STARD13: variants seen among roughly 807,000 people sequenced by gnomAD.
STARD13 encodes StAR related lipid transfer domain containing 13, also known as stAR-related lipid transfer protein 13.
STARD13 carries 62 observed loss-of-function variants against 106.4 expected under a neutral mutation model. That is an observed-to-expected ratio of 0.58 (90% CI 0.48 to 0.72). STARD13 has a LOEUF of 0.72. Among genes scored for constraint, STARD13 ranks in the 30% least tolerant of loss-of-function variants. STARD13 has a pLI of 0.00. For missense variants in STARD13, 1,387 were observed against 1,424.0 expected, an observed-to-expected ratio of 0.97 and a Z score of 0.42; for synonymous variants, 565 against 553.0, an observed-to-expected ratio of 1.02 and a Z score of -0.31.
chr13:33,460,439 C>T, the STARD13 span, among the ~76,000 whole-genome samples: 8 of 150,812 alleles, frequency 5.3e-5, no homozygotes, highest in South Asian at 6.3e-4. Flanking sequence ...TGCAGTGAGC[C>T]GAGATAGTGC....
chr13:33,121,246 G>A (rs1177966615), intron 7 of STARD13, among the ~76,000 whole-genome samples: 2 of 152,110 alleles, frequency 1.3e-5, no homozygotes, highest in Non-Finnish European at 2.9e-5. Context: ...TGACGGCAAC[G>A]AGTGGTTTCC....
intron 1 of STARD13, chr13:33,349,255 C>T: frequency 1.4e-6 from 1 of 702,196 alleles, no homozygotes; most frequent in Non-Finnish European, 2.6e-6. Flanking sequence ...CAGAGACTTG[C>T]CTCAGGGTCA....
chr13:33,380,534 T>G, the STARD13 span, among the ~76,000 whole-genome samples: 2 of 136,530 alleles, frequency 1.5e-5, no homozygotes, highest in Non-Finnish European at 3.1e-5. Flanking sequence ...TTCCTCTGTG[T>G]GCTTTCTTAG....
In STARD13 at chr13:33,118,182, T is replaced by A; in HGVS notation, c.2164A>T (p.Asn722Tyr). The A allele has an allele frequency of 6.2e-7, 1 of 1,614,204 alleles. No homozygotes were observed. The highest frequency in any genetic ancestry group is 8.5e-7 in the Non-Finnish European group (1 of 1,180,024). ...QMNENFPENV[N>Y]YEDQSAYDVA... is the part of the protein sequence containing the mutation. ...TCATAAGCAGACTGGTCTTCATAGT[T>A]GACGTTCTCAGGGAAGTTTTCATTC... is the stretch of plus-strand genomic sequence containing the variant. Residue 722 changes from asparagine to tyrosine, a missense_variant, in exon 8 of 14, where the codon AAC becomes TAC. By Grantham distance (143) the Asn-to-Tyr change is moderately radical. Coordinates refer to ENST00000336934, the MANE Select transcript of STARD13 (RefSeq NM_178006.4).
chr13:33,598,770 T>G, the STARD13 span, among the ~76,000 whole-genome samples: 1 of 152,244 alleles, frequency 6.6e-6, no homozygotes, highest in African/African-American at 2.4e-5. Context: ...ATCCCTTAGC[T>G]CCTAAATTAC....
the STARD13 span, among the ~76,000 whole-genome samples, chr13:33,630,238 G>A: frequency 6.6e-6 from 1 of 152,098 alleles, no homozygotes; most frequent in South Asian, 2.1e-4. Context: ...CAAATTCCTG[G>A]TCCTGCGTCC....
the STARD13 span, among the ~76,000 whole-genome samples, chr13:33,422,894 G>GTGGAAAACTGGCCAGCCATATT: frequency 6.6e-6 from 1 of 152,196 alleles, no homozygotes; most frequent in Admixed American, 6.5e-5. Context: ...CCAGCCATAT[G>GTGGAAAACTGGCCAGCCATATT]TAGAAAGCTG....
chr13:33,638,638 C>A, the STARD13 span, among the ~76,000 whole-genome samples: 1 of 152,134 alleles, frequency 6.6e-6, no homozygotes, highest in Non-Finnish European at 1.5e-5. Context: ...CTTAAAAAGT[C>A]TTTTCTATCA....
the STARD13 span, among the ~76,000 whole-genome samples, chr13:33,397,701 T>C: frequency 2.0e-5 from 3 of 152,306 alleles, no homozygotes; most frequent in African/African-American, 7.2e-5. Flanking sequence ...CAGGAATTGG[T>C]ACCTGTATTA....
chr13:33,131,048 C>T (rs746078641), intron 4 of STARD13, among the ~76,000 whole-genome samples: 1 of 152,200 alleles, frequency 6.6e-6, no homozygotes, highest in Non-Finnish European at 1.5e-5. Flanking sequence ...TTGGGCCTCA[C>T]ACATTGACTC....
chr13:33,153,206 G>A (rs1365600205), intron 3 of STARD13, among the ~76,000 whole-genome samples: 3 of 152,150 alleles, frequency 2.0e-5, no homozygotes, highest in African/African-American at 4.8e-5. Flanking sequence ...TCAGTACAAG[G>A]CCATGTGACA....
At chr13:33,528,212 ATGTG>A in the STARD13 span, among the ~76,000 whole-genome samples, 12 of 126,096 alleles carry the variant, frequency 9.5e-5, no homozygotes, top group South Asian at 9.3e-4. Context: ...ATACAGATAC[ATGTG>A]TGTGTGTGTG....
At chr13:33,120,311 C>T (rs1478348851) in intron 7 of STARD13, among the ~76,000 whole-genome samples, 2 of 152,208 alleles carry the variant, frequency 1.3e-5, no homozygotes, top group Non-Finnish European at 1.5e-5. Context: ...CAGTCATGTG[C>T]GTGCACACAC....
the STARD13 span, among the ~76,000 whole-genome samples, chr13:33,462,549 C>G: frequency 6.6e-6 from 1 of 152,152 alleles, no homozygotes; most frequent in Non-Finnish European, 1.5e-5. Flanking sequence ...GTCCAAGTCC[C>G]AAAACCTCAA....
At chr13:33,145,581 C>T (rs1451240335) in intron 3 of STARD13, among the ~76,000 whole-genome samples, 1 of 152,022 alleles carries the variant, frequency 6.6e-6, no homozygotes, top group Non-Finnish European at 1.5e-5. Context: ...TTCATAGCAG[C>T]TTTAATCATA....
chr13:33,408,694 T>G, the STARD13 span, among the ~76,000 whole-genome samples: 666 of 152,286 alleles, frequency 4.4e-3, 6 homozygotes, highest in African/African-American at 0.016. Context: ...TAAGCCCATT[T>G]CCTGGGCATA....
At position 33,105,724 on chromosome 13, in the gene STARD13, A is replaced by T; in HGVS notation, c.3225-14T>A. The T allele has an allele frequency of 6.3e-7, 1 of 1,597,768 alleles. No individual in the cohort carries two copies. Among genetic ancestry groups the T allele is most frequent in the East Asian group, 2.2e-5 (1 of 44,816 alleles). Reference sequence around the variant, plus strand: ...GGGGAGTGACCTCTGTGGGGAAAGAAATCAGAAAGGAAGTGGGAAAGTTTG... The same window carrying T: ...GGGGAGTGACCTCTGTGGGGAAAGATATCAGAAAGGAAGTGGGAAAGTTTG... On this transcript the variant is annotated splice_polypyrimidine_tract_variant and intron_variant, in intron 13 of 13. Transcript: ENST00000336934.
chr13:33,401,726 T>C, the STARD13 span, among the ~76,000 whole-genome samples: 1 of 152,214 alleles, frequency 6.6e-6, no homozygotes, highest in Non-Finnish European at 1.5e-5. Context: ...TCCTTGCAAA[T>C]TTACTTTCAT....
chr13:33,479,303 A>G, the STARD13 span, among the ~76,000 whole-genome samples: 2 of 152,326 alleles, frequency 1.3e-5, no homozygotes, highest in East Asian at 1.9e-4. Flanking sequence ...CATAACCCCT[A>G]TGAAGGGGAA....
Sources: allele counts gnomAD v4.1 joint callset (sites outside exome capture counted in the v4.1 genomes callset), GRCh38; gene constraint gnomAD v4.1.1; transcripts MANE v1.5; gene names NCBI Gene and HGNC (gene_info 2026-07-23, HGNC 2026-07-21).